DDC: variants seen among roughly 807,000 people sequenced by gnomAD.
DDC encodes dopa decarboxylase, also known as aromatic-L-amino-acid decarboxylase.
DDC carries 43 observed loss-of-function variants against 60.0 expected under a neutral mutation model. The observed-to-expected ratio is 0.72, with a 90% CI of 0.56 to 0.92. The LOEUF (loss-of-function observed/expected upper bound fraction) is 0.92. Among genes scored for constraint, DDC ranks in the 40% least tolerant of loss-of-function variants. DDC has a pLI of 0.00. For synonymous variants in DDC, 232 were observed against 234.6 expected (o/e 0.99, Z 0.10); for missense variants, 573 against 620.2 (o/e 0.92, Z 0.81).
intron 1 of DDC, among the ~76,000 whole-genome samples, chr7:50,561,342 C>T (rs2045341525): frequency 6.6e-6 from 1 of 152,086 alleles, no homozygotes; most frequent in African/African-American, 2.4e-5. Flanking sequence ...GGCCAGGGCT[C>T]CTGGGACTCT....
chr7:50,505,335 G>T (rs2043362811), intron 6 of DDC, among the ~76,000 whole-genome samples: 1 of 152,204 alleles, frequency 6.6e-6, no homozygotes, highest in Admixed American at 6.5e-5. Context: ...AAACCAAAGG[G>T]CCTAATTGAT....
At chr7:50,560,250 T>G (rs1226976569) in intron 1 of DDC, among the ~76,000 whole-genome samples, 1 of 152,170 alleles carries the variant, frequency 6.6e-6, no homozygotes, top group Admixed American at 6.5e-5. Flanking sequence ...ATGAGAAATT[T>G]TCGCAAGGAG....
At chr7:50,563,560 A>G (rs879820825) in intron 1 of DDC, among the ~76,000 whole-genome samples, 9 of 152,324 alleles carry the variant, frequency 5.9e-5, no homozygotes, top group Non-Finnish European at 1.0e-4. Flanking sequence ...TTAAAACTGC[A>G]ACATATTCTT....
intron 6 of DDC, among the ~76,000 whole-genome samples, chr7:50,510,350 T>G (rs1355937089): frequency 6.6e-6 from 1 of 152,102 alleles, no homozygotes; most frequent in Non-Finnish European, 1.5e-5. Flanking sequence ...AATAAAATTT[T>G]TAAGTGCACC....
chr7:50,475,789 C>T (rs1371703055), intron 11 of DDC, among the ~76,000 whole-genome samples: 1 of 151,886 alleles, frequency 6.6e-6, no homozygotes, highest in Non-Finnish European at 1.5e-5. Context: ...TCCCAGGTTC[C>T]AATGATTCTC....
At chr7:50,509,861 GAA>G (rs555224345) in intron 6 of DDC, among the ~76,000 whole-genome samples, 1 of 151,444 alleles carries the variant, frequency 6.6e-6, no homozygotes, top group African/African-American at 2.4e-5. Flanking sequence ...AAGTCTTGGG[GAA>G]AAAAAACCCA....
chr7:50,495,095 T>A (rs1323118062), intron 9 of DDC, among the ~76,000 whole-genome samples: 1 of 152,236 alleles, frequency 6.6e-6, no homozygotes, highest in African/African-American at 2.4e-5. Context: ...TTTCTGTCAA[T>A]GCTGGATAAA....
At chr7:50,527,484 T>C (rs1305763411) in intron 6 of DDC, among the ~76,000 whole-genome samples, 2 of 152,172 alleles carry the variant, frequency 1.3e-5, no homozygotes, top group East Asian at 3.8e-4. Flanking sequence ...TTAAGGGAGA[T>C]CTTTCTTTCT....
chr7:50,528,723 A>T (rs2153545775), intron 5 of DDC, among the ~76,000 whole-genome samples: 1 of 152,232 alleles, frequency 6.6e-6, no homozygotes, highest in Non-Finnish European at 1.5e-5. Context: ...ACCAGCCAGG[A>T]GGCATCACCA....
chr7:50,469,049 T>C (rs144361050), intron 12 of DDC, among the ~76,000 whole-genome samples: 7,847 of 150,726 alleles, frequency 0.052, 480 homozygotes, highest in African/African-American at 0.15. Context: ...AAGTGATTCT[T>C]CTGCCTCAGC....
At chr7:50,511,023 C>T (rs887064699) in intron 6 of DDC, among the ~76,000 whole-genome samples, 1 of 140,380 alleles carries the variant, frequency 7.1e-6, no homozygotes, top group Admixed American at 7.2e-5. Context: ...TTAACACTAG[C>T]TTATTGCTAG....
intron 4 of DDC, among the ~76,000 whole-genome samples, chr7:50,536,087 T>C (rs2044400001): frequency 6.6e-6 from 1 of 152,146 alleles, no homozygotes; most frequent in Non-Finnish European, 1.5e-5. Flanking sequence ...GATAAAAAGC[T>C]ACATGCCTCC....
At chr7:50,474,303 G>A (rs756950066) in intron 11 of DDC, among the ~76,000 whole-genome samples, 4 of 152,220 alleles carry the variant, frequency 2.6e-5, no homozygotes, top group Non-Finnish European at 4.4e-5. Context: ...TTAGCAGTGC[G>A]GAAAGGGCCT....
At position 50,538,853 on chromosome 7, in the gene DDC, G is replaced by T. The variant is rs1057455611; in HGVS notation, c.316-874C>A. On this transcript the variant is annotated intron_variant, in intron 3 of 14. Transcript: ENST00000444124. Reference sequence around the variant, plus strand: ...GATAGAAAATGCTCTTTAGGAGAGGGTATGCTCAGCCCAGGCCAGCCCTGC... The same window carrying T: ...GATAGAAAATGCTCTTTAGGAGAGGTTATGCTCAGCCCAGGCCAGCCCTGC... Among the ~76,000 whole-genome samples, 18 of 152,340 alleles carry T rather than the reference G, an allele frequency of 1.2e-4. No homozygotes were observed. The East Asian group carries it at 2.9e-3, about 24-fold the overall frequency.
chr7:50,550,313 A>G (rs2044949729), intron 1 of DDC, among the ~76,000 whole-genome samples: 1 of 152,216 alleles, frequency 6.6e-6, no homozygotes, highest in Non-Finnish European at 1.5e-5. Flanking sequence ...TTTTAAATTA[A>G]GGTATATACT....
intron 6 of DDC, among the ~76,000 whole-genome samples, chr7:50,505,466 G>A (rs189701217): frequency 1.4e-4 from 21 of 152,320 alleles, no homozygotes; most frequent in African/African-American, 4.6e-4. Flanking sequence ...AATGCCATGT[G>A]TCCTGAGGAT....
chr7:50,479,791 A>G lies in DDC; in HGVS notation c.1017T>C (p.Asp339=), dbSNP rs758505664. The G allele has an allele frequency of 6.2e-7, 1 of 1,613,464 alleles. No homozygotes were observed. The change falls in exon 10 of 15, where the codon GAT becomes GAC. Residue 339 remains aspartate, a synonymous_variant. Coordinates refer to ENST00000444124, the MANE Select transcript of DDC (RefSeq NM_001082971.2). ...DPTYLKHSHQ[D]SGLITDYRHW... is the part of the protein sequence containing the mutation. Reference sequence around the variant, plus strand: ...GAAAGCAGGCTCACAGCTTACCTGAATCCTGATGGCTGTGCTTCAGGTAAG... The same window carrying G: ...GAAAGCAGGCTCACAGCTTACCTGAGTCCTGATGGCTGTGCTTCAGGTAAG...
chr7:50,488,049 T>G (rs1485939649), intron 9 of DDC, among the ~76,000 whole-genome samples: 2 of 152,088 alleles, frequency 1.3e-5, no homozygotes, highest in Non-Finnish European at 2.9e-5. Flanking sequence ...TAACCTTAAG[T>G]TTTTTACATA....
chr7:50,499,322 G>A (rs1013154732), intron 7 of DDC, 80 bp from the exon 8 acceptor site: 2 of 908,070 alleles, frequency 2.2e-6, no homozygotes, highest in Non-Finnish European at 3.5e-6. Context: ...CCCTGTCTGA[G>A]CACCTTCTTG....
Sources: allele counts gnomAD v4.1 joint callset (sites outside exome capture counted in the v4.1 genomes callset), GRCh38; gene constraint gnomAD v4.1.1; transcripts MANE v1.5; gene names NCBI Gene and HGNC (gene_info 2026-07-23, HGNC 2026-07-21).